PLAA: variants seen among roughly 807,000 people sequenced by gnomAD.
PLAA encodes the protein phospholipase A2 activating protein, also known as phospholipase A-2-activating protein.
In PLAA, 48 loss-of-function variants were observed where a neutral mutation model predicts 84.1. The observed-to-expected ratio is 0.57, with a 90% CI of 0.45 to 0.73. The LOEUF is 0.73. PLAA is among the 30% of genes least tolerant of loss of function. PLAA has a pLI of 0.00. For synonymous variants in PLAA, 392 were observed against 336.6 expected (o/e 1.16, Z -1.80); for missense variants, 903 against 954.7 (o/e 0.95, Z 0.71).
intron 1 of PLAA, among the ~76,000 whole-genome samples, chr9:26,939,136 C>A (rs1467238445): frequency 6.6e-6 from 1 of 152,162 alleles, no homozygotes; most frequent in Non-Finnish European, 1.5e-5. Context: ...CGCCTGTAAT[C>A]CCAGCACTTT....
At chr9:26,916,462 G>T (rs940925677) in intron 10 of PLAA, 29 of 986,802 alleles carry the variant, frequency 2.9e-5, no homozygotes, top group Non-Finnish European at 3.4e-5. Context: ...ATTTTGAAGA[G>T]ATACACCAAC....
At chr9:26,919,658 T>TA (rs1824692307) in intron 8 of PLAA, 129 bp from the exon 9 acceptor site, 3 of 599,316 alleles carry the variant, frequency 5.0e-6, no homozygotes, top group Non-Finnish European at 8.7e-6. Flanking sequence ...AGTGCAGTGC[T>TA]AAAATCTTCG....
intron 13 of PLAA, among the ~76,000 whole-genome samples, chr9:26,906,874 C>A (rs1455232247): frequency 6.6e-6 from 1 of 151,672 alleles, no homozygotes; most frequent in Non-Finnish European, 1.5e-5. Flanking sequence ...GGAAATCCAA[C>A]ATTATGTGCT....
intron 2 of PLAA, among the ~76,000 whole-genome samples, chr9:26,933,440 G>T (rs1442184314): frequency 6.6e-6 from 1 of 151,628 alleles, no homozygotes; most frequent in Admixed American, 6.6e-5. Context: ...GACAGACCGA[G>T]ACTCCGTCTC....
chr9:26,938,770 A>T (rs2131420348), intron 1 of PLAA, among the ~76,000 whole-genome samples: 1 of 152,230 alleles, frequency 6.6e-6, no homozygotes, highest in South Asian at 2.1e-4. Flanking sequence ...ACATTACATT[A>T]AAAAAATTAG....
intron 1 of PLAA, among the ~76,000 whole-genome samples, chr9:26,938,390 T>C (rs1051137345): frequency 6.6e-5 from 10 of 151,580 alleles, no homozygotes; most frequent in African/African-American, 2.4e-4. Context: ...TCTTGAAAAA[T>C]TTTTTTGGAG....
At chr9:26,916,321 A>G (rs1225898440) in intron 10 of PLAA, 1 of 986,872 alleles carries the variant, frequency 1.0e-6, no homozygotes, top group Non-Finnish European at 1.2e-6. Flanking sequence ...TGAAGATCCA[A>G]CAACAGCATT....
chr9:26,942,582 A>G (rs113259137), intron 1 of PLAA, among the ~76,000 whole-genome samples: 5 of 152,096 alleles, frequency 3.3e-5, no homozygotes, highest in Non-Finnish European at 5.9e-5. Flanking sequence ...AGCTTAAATT[A>G]TAAGAGTCAG....
chr9:26,906,081 T>TAAA lies in PLAA; in HGVS notation c.1823-8_1823-6dup. 1 of 1,198,074 alleles carries TAAA rather than the reference T, an allele frequency of 8.3e-7. No individual in the cohort carries two copies. Among genetic ancestry groups the TAAA allele is most frequent in the Non-Finnish European group, 1.1e-6 (1 of 901,634 alleles). 74.2% of individuals were successfully genotyped at this position (1,198,074 alleles called of 1,614,324 possible). On this transcript the variant is annotated splice_polypyrimidine_tract_variant and splice_region_variant and intron_variant, in intron 13 of 13. Coordinates refer to ENST00000397292, the MANE Select transcript of PLAA (RefSeq NM_001031689.3). ...CAAGTGCAGGAAAGACAATATCTATTAAAAAAAAAAAGTCATTAATGCTTA... is the reference window on the plus strand; with the variant it reads ...CAAGTGCAGGAAAGACAATATCTATTAAAAAAAAAAAAAAGTCATTAATGCTTA...
At chr9:26,916,419 T>C (rs1587157283) in intron 10 of PLAA, 4 of 987,020 alleles carry the variant, frequency 4.1e-6, no homozygotes, top group Admixed American at 6.1e-5. Context: ...GTAGTGTTGA[T>C]GCTGAGGCAT....
chr9:26,920,586 G>A (rs927854274), intron 7 of PLAA, among the ~76,000 whole-genome samples: 2 of 152,084 alleles, frequency 1.3e-5, no homozygotes, highest in African/African-American at 4.8e-5. Flanking sequence ...ATCAAAGGAA[G>A]GTTAACAAAA....
Position 26,904,291 on chromosome 9 carries a change from G to A in PLAA, c.*1220C>T, listed in dbSNP as rs1211929256. On this transcript the variant is annotated 3_prime_UTR_variant, in exon 14 of 14. Transcript: ENST00000397292. ...TTACACCACGAGTATTGAGAATGTTGCTATTTCTGGCAACGTCTTTATGAA... is the reference window on the plus strand; with the variant it reads ...TTACACCACGAGTATTGAGAATGTTACTATTTCTGGCAACGTCTTTATGAA... 1 of 152,124 alleles carries A rather than the reference G, an allele frequency of 6.6e-6. No individual in the cohort carries two copies. The highest frequency in any genetic ancestry group is 2.4e-5 in the African/African-American group (1 of 41,426). 9.4% of individuals were successfully genotyped at this position (152,124 alleles called of 1,614,324 possible). A position where few individuals can be genotyped will look rare whatever the true frequency, so the allele number is the denominator to read the frequency against.
chr9:26,914,580 CA>C (rs11455055), intron 10 of PLAA, among the ~76,000 whole-genome samples: 2,111 of 141,230 alleles, frequency 0.015, 37 homozygotes, highest in African/African-American at 0.048. Context: ...AAAGCAAAAC[CA>C]AAAAAAAAAA....
Position 26,925,899 on chromosome 9 carries a change from T to C in PLAA, c.795A>G (p.Gln265=), listed in dbSNP as rs753905056. 3.1e-6 allele frequency: 5 copies of C among 1,613,692 alleles called. No individual in the cohort carries two copies. In the East Asian group the frequency reaches 8.9e-5, roughly 29 times the overall value. The part of the protein sequence containing the change: ...LRIWKHGECA[Q]TIRLPAQSIW... The stretch of plus-strand genomic sequence containing the variant: ...TAGACTGAGCTGGAAGTCGGATAGT[T>C]TGAGCACATTCCCCATGTTTCCAGA... Residue 265 remains glutamine, a synonymous_variant, in exon 6 of 14, where the codon CAA becomes CAG. Transcript: ENST00000397292.
Position 26,913,949 on chromosome 9 carries a change from T to G in PLAA, c.1487-2A>C, listed in dbSNP as rs1824474923. 1 of 1,603,184 alleles carries G rather than the reference T, an allele frequency of 6.2e-7. No individual in the cohort carries two copies. Among genetic ancestry groups the G allele is most frequent in the African/African-American group, 1.3e-5 (1 of 74,820 alleles). Reference sequence around the variant, plus strand: ...AACCTGGTACATAACGACCAGCACCTACAATACAATAATACTCCTAGTAAG... The same window carrying G: ...AACCTGGTACATAACGACCAGCACCGACAATACAATAATACTCCTAGTAAG... On this transcript the variant is annotated splice_acceptor_variant, in intron 10 of 13. Transcript: ENST00000397292. LOFTEE classifies it high-confidence loss of function.
intron 10 of PLAA, chr9:26,915,979 C>T: frequency 1.0e-6 from 1 of 985,286 alleles, no homozygotes; most frequent in African/African-American, 1.7e-5. Context: ...TTTGAAATCA[C>T]ATTATGTTAT....
intron 13 of PLAA, among the ~76,000 whole-genome samples, chr9:26,907,312 G>A (rs1432391719): frequency 1.3e-5 from 2 of 152,072 alleles, no homozygotes; most frequent in African/African-American, 4.8e-5. Flanking sequence ...GGAGGATCAC[G>A]AGGTCAGGAG....
chr9:26,924,617 C>T (rs1320973624), intron 6 of PLAA, among the ~76,000 whole-genome samples: 1 of 152,144 alleles, frequency 6.6e-6, no homozygotes, highest in African/African-American at 2.4e-5. Context: ...TTCAAACTTT[C>T]CATTCTTTGA....
At chr9:26,910,023 C>T (rs953584185) in intron 12 of PLAA, among the ~76,000 whole-genome samples, 2 of 152,180 alleles carry the variant, frequency 1.3e-5, no homozygotes, top group Non-Finnish European at 2.9e-5. Flanking sequence ...AAATGCTTTA[C>T]TCATTCATAT....
Sources: gnomAD v4.1 joint callset for allele counts (sites outside exome capture counted in the v4.1 genomes callset) on GRCh38, gnomAD v4.1.1 for gene constraint, MANE v1.5 for transcripts, NCBI Gene and HGNC (gene_info 2026-07-23, HGNC 2026-07-21) for gene names.